Variants in PPP3CA observed in about 807,000 individuals in gnomAD.
The protein encoded by PPP3CA is protein phosphatase 3 catalytic subunit alpha, also known as CAM-PRP catalytic subunit.
A neutral mutation model predicts 66.5 loss-of-function variants in PPP3CA; 14 were observed. That is an observed-to-expected ratio of 0.21 (90% confidence interval 0.14 to 0.33). The LOEUF (loss-of-function observed/expected upper bound fraction) is 0.33, where lower values mean the gene tolerates loss of function less well. PPP3CA is among the 10% of genes least tolerant of loss of function. The probability of loss-of-function intolerance (pLI) is 1.00; values close to 1 mark genes in which losing one functional copy is unlikely to be tolerated. For synonymous variants in PPP3CA, 232 were observed against 226.2 expected (o/e 1.03, Z -0.23); for missense variants, 317 against 639.5 (o/e 0.50, Z 5.44).
intron 3 of PPP3CA, among the ~76,000 whole-genome samples, chr4:101,102,580 G>A (rs1344540889): frequency 3.3e-5 from 5 of 152,114 alleles, no homozygotes; most frequent in Non-Finnish European, 7.4e-5. Context: ...TCAACATCTG[G>A]TGGGAGAGAG....
chr4:101,271,033 C>T (rs1052160400), intron 1 of PPP3CA, among the ~76,000 whole-genome samples: 3 of 152,068 alleles, frequency 2.0e-5, no homozygotes, highest in Non-Finnish European at 4.4e-5. Flanking sequence ...AATCCTCCCA[C>T]CTCAGCCAGC....
At chr4:101,248,194 C>G (rs976079651) in intron 1 of PPP3CA, among the ~76,000 whole-genome samples, 3 of 152,180 alleles carry the variant, frequency 2.0e-5, no homozygotes, top group African/African-American at 7.2e-5. Context: ...CTCTAACATC[C>G]TATGACTATT....
At chr4:101,248,208 A>T (rs115539515) in intron 1 of PPP3CA, among the ~76,000 whole-genome samples, 95 of 152,320 alleles carry the variant, frequency 6.2e-4, no homozygotes, top group African/African-American at 2.0e-3. Flanking sequence ...GACTATTTGC[A>T]ATTTAGAATG....
intron 2 of PPP3CA, among the ~76,000 whole-genome samples, chr4:101,124,689 G>GA (rs1294584299): frequency 2.4e-5 from 2 of 84,230 alleles, no homozygotes; most frequent in African/African-American, 1.1e-4. Context: ...AAGAAAGAAA[G>GA]AAAGAAAGAA....
At chr4:101,346,587 G>A in intron 1 of PPP3CA, 152 bp downstream of exon 1, 1 of 640,128 alleles carries the variant, frequency 1.6e-6, no homozygotes, top group Non-Finnish European at 2.6e-6. Flanking sequence ...GGTTCGCGGG[G>A]TTCGCGGGTT....
At chr4:101,197,776 G>A (rs1455001150) in intron 1 of PPP3CA, among the ~76,000 whole-genome samples, 1 of 152,078 alleles carries the variant, frequency 6.6e-6, no homozygotes, top group African/African-American at 2.4e-5. Flanking sequence ...TACTGTACAG[G>A]AGAAACCTGA....
At chr4:101,139,559 C>T (rs1393075252) in intron 2 of PPP3CA, among the ~76,000 whole-genome samples, 1 of 151,964 alleles carries the variant, frequency 6.6e-6, no homozygotes. Flanking sequence ...TTTATTCGAC[C>T]CCTAAAAGAA....
intron 1 of PPP3CA, among the ~76,000 whole-genome samples, chr4:101,326,204 T>C (rs1320662281): frequency 1.3e-5 from 2 of 152,222 alleles, no homozygotes; most frequent in Non-Finnish European, 2.9e-5. Context: ...GATAGGTATA[T>C]GTGGGTTAAC....
intron 6 of PPP3CA, among the ~76,000 whole-genome samples, chr4:101,087,055 A>G (rs1000037151): frequency 6.6e-6 from 1 of 152,154 alleles, no homozygotes; most frequent in Admixed American, 6.5e-5. Context: ...TTCCAGATCC[A>G]GTAATAGGGA....
At position 101,191,286 on chromosome 4, in the gene PPP3CA, C is replaced by T. The variant is rs541382454; in HGVS notation, c.259+4630G>A. 2.6e-5 allele frequency among the ~76,000 whole-genome samples: 4 copies of T among 152,324 alleles called. No homozygotes were observed. In the East Asian group the frequency reaches 5.8e-4, roughly 22 times the overall value. On this transcript the variant is annotated intron_variant, in intron 2 of 13. Coordinates refer to ENST00000394854, the MANE Select transcript of PPP3CA (RefSeq NM_000944.5). The stretch of plus-strand genomic sequence containing the variant: ...GTTTGGAAACACTGACTCCACCTGT[C>T]TCCCTTTTCACATTTGTAAAAAGCG...
At chr4:101,192,313 T>C (rs1049490417) in intron 2 of PPP3CA, among the ~76,000 whole-genome samples, 23 of 152,114 alleles carry the variant, frequency 1.5e-4, no homozygotes, top group Non-Finnish European at 2.5e-4. Flanking sequence ...AGTTTCCTAA[T>C]CACCCCACTC....
intron 2 of PPP3CA, among the ~76,000 whole-genome samples, chr4:101,117,399 T>C (rs1317525905): frequency 1.3e-5 from 2 of 151,442 alleles, no homozygotes; most frequent in African/African-American, 4.8e-5. Context: ...ATGCAACCTA[T>C]GTTTATGTTT....
chr4:101,221,530 C>T (rs1267914344), intron 1 of PPP3CA, among the ~76,000 whole-genome samples: 1 of 151,478 alleles, frequency 6.6e-6, no homozygotes, highest in African/African-American at 2.4e-5. Context: ...AACCACAATT[C>T]CCAACTGGAA....
At chr4:101,190,576 T>C (rs888691778) in intron 2 of PPP3CA, among the ~76,000 whole-genome samples, 5 of 152,208 alleles carry the variant, frequency 3.3e-5, no homozygotes, top group South Asian at 2.1e-4. Flanking sequence ...CTATTCTTAA[T>C]AGAATACTGT....
intron 11 of PPP3CA, among the ~76,000 whole-genome samples, chr4:101,036,270 A>T (rs1727243624): frequency 6.6e-6 from 1 of 152,112 alleles, no homozygotes; most frequent in Non-Finnish European, 1.5e-5. Flanking sequence ...CTCACATTTT[A>T]TTTCTATTGG....
intron 1 of PPP3CA, among the ~76,000 whole-genome samples, chr4:101,256,617 T>A (rs1486072830): frequency 1.3e-5 from 2 of 151,972 alleles, no homozygotes; most frequent in Non-Finnish European, 2.9e-5. Flanking sequence ...TATTAAGAAG[T>A]CTGATGAAGT....
chr4:101,260,215 CTG>C (rs1726968466), intron 1 of PPP3CA, among the ~76,000 whole-genome samples: 1 of 152,042 alleles, frequency 6.6e-6, no homozygotes, highest in African/African-American at 2.4e-5. Context: ...TTCATACTGT[CTG>C]TAATTTAAAT....
Position 101,095,239 on chromosome 4 carries a change from G to C in PPP3CA, c.643-1324C>G, listed in dbSNP as rs570906443. ...AATAATACTTGTCCCTAAAAATACA[G>C]AACTTCTTTCTGAAAAACAATAACT... On this transcript the variant is annotated intron_variant, in intron 5 of 13. Coordinates refer to ENST00000394854, the MANE Select transcript of PPP3CA (RefSeq NM_000944.5). 5.3e-4 allele frequency among the ~76,000 whole-genome samples: 81 copies of C among 152,124 alleles called. No homozygotes were observed. In the Middle Eastern group the frequency reaches 0.01, roughly 19 times the overall value.
intron 2 of PPP3CA, among the ~76,000 whole-genome samples, chr4:101,137,884 C>CAAA (rs34286966): frequency 8.3e-5 from 10 of 121,060 alleles, no homozygotes; most frequent in African/African-American, 1.4e-4. Flanking sequence ...TGTCAGTCCA[C>CAAA]AAAAAAAAAA....
Sources: allele counts gnomAD v4.1 joint callset (sites outside exome capture counted in the v4.1 genomes callset), GRCh38; gene constraint gnomAD v4.1.1; transcripts MANE v1.5; gene names NCBI Gene and HGNC (gene_info 2026-07-23, HGNC 2026-07-21).